RPS6KA2: variants seen among roughly 807,000 people sequenced by gnomAD.
RPS6KA2 encodes ribosomal protein S6 kinase alpha-2.
RPS6KA2 carries 42 observed loss-of-function variants against 91.8 expected under a neutral mutation model. The ratio of observed to expected loss-of-function variants is 0.46; its 90% CI spans 0.36 to 0.59. RPS6KA2 has a LOEUF of 0.59. Among genes scored for constraint, RPS6KA2 ranks in the 20% least tolerant of loss-of-function variants. RPS6KA2 has a pLI of 0.00. For synonymous variants in RPS6KA2, 414 were observed against 393.6 expected, an observed-to-expected ratio of 1.05 and a Z score of -0.61; for missense variants, 798 against 978.5, an observed-to-expected ratio of 0.82 and a Z score of 2.46.
rs911326662 is a variant in RPS6KA2 at position 166,677,486 on chromosome 6, G to A, written c.124-138702C>T. ...AGCAACCCTCTTGCCTCAGCCTTCCGAGTAGCTGGGACTACAGGCATGCAC... is the reference window on the plus strand; with the variant it reads ...AGCAACCCTCTTGCCTCAGCCTTCCAAGTAGCTGGGACTACAGGCATGCAC... On this transcript the variant is annotated intron_variant, in intron 2 of 21. Transcript: ENST00000503859. Among the ~76,000 whole-genome samples the A allele has an allele frequency of 9.9e-5, 15 of 151,496 alleles. 1 individual carries two copies. The highest frequency in any genetic ancestry group is 9.7e-5 in the African/African-American group (4 of 41,260).
rs1363392621 is a variant in RPS6KA2 at position 166,622,742 on chromosome 6, G to A, written c.99+4179C>T. ...TAAAATGTCTTTATATGTACAGATA[G>A]ATGAATTCTGATGATCTGTGACCAC... On this transcript the variant is annotated intron_variant, in intron 1 of 20. Transcript: ENST00000265678. 3.3e-5 allele frequency among the ~76,000 whole-genome samples: 5 copies of A among 152,188 alleles called. No individual in the cohort carries two copies. In the East Asian group the frequency reaches 9.6e-4, roughly 29 times the overall value.
intron 2 of RPS6KA2, among the ~76,000 whole-genome samples, chr6:166,736,059 C>T (rs1562408360): frequency 6.6e-6 from 1 of 152,224 alleles, no homozygotes; most frequent in African/African-American, 2.4e-5. Flanking sequence ...CAATGCAGAA[C>T]AGCTGATTTT....
At chr6:166,517,861 C>T (rs1169412225) in intron 3 of RPS6KA2, among the ~76,000 whole-genome samples, 1 of 152,180 alleles carries the variant, frequency 6.6e-6, no homozygotes, top group Non-Finnish European at 1.5e-5. Flanking sequence ...CTAGCCAGTG[C>T]CATCCTTTTA....
Position 166,504,593 on chromosome 6 carries a change from T to G in RPS6KA2, c.479A>C (p.Asp160Ala). 1 of 1,612,822 alleles carries G rather than the reference T, an allele frequency of 6.2e-7. No individual in the cohort carries two copies. Among genetic ancestry groups the G allele is most frequent in the Non-Finnish European group, 8.5e-7 (1 of 1,179,246 alleles). ...LSKEVMFTEE[D>A]VKFYLAELAL... is the part of the protein sequence containing the mutation. ...CAGCTCAGCCAGGTAGAACTTGACA[T>G]CCTCCTCCGTGAACATGACCTAGTA... The change falls in exon 6 of 21, where the codon GAT becomes GCT. Residue 160 changes from aspartate (D) to alanine (A), a missense_variant. By Grantham distance (126) the Asp-to-Ala change is moderately radical. Transcript: ENST00000265678.
rs1278994278 is a variant in RPS6KA2 at position 166,603,372 on chromosome 6, T to C, written c.99+23549A>G. Among the ~76,000 whole-genome samples, 1 of 151,974 alleles carries C rather than the reference T, an allele frequency of 6.6e-6. No homozygotes were observed. The highest frequency in any genetic ancestry group is 1.5e-5 in the Non-Finnish European group (1 of 67,996). On this transcript the variant is annotated intron_variant, in intron 1 of 20. Transcript: ENST00000265678. This position sits in a 1 kb window ranked among gnomAD's most constrained non-coding sequence, Gnocchi z 4.3. ...CCAGGAACTCAGCGCAGCCTCAGAGTGCGTGGGGTGGGGCAGAGCTCTGGG... is the reference window on the plus strand; with the variant it reads ...CCAGGAACTCAGCGCAGCCTCAGAGCGCGTGGGGTGGGGCAGAGCTCTGGG...
Position 166,459,391 on chromosome 6 carries a change from G to T in RPS6KA2, c.1075+58C>A. On this transcript the variant is annotated intron_variant, in intron 12 of 20. Coordinates refer to ENST00000265678, the MANE Select transcript of RPS6KA2 (RefSeq NM_021135.6). The surrounding 1 kb of genome is among the most constrained non-coding windows in gnomAD (Gnocchi z 4.9). ...GGGAATTTCTTGTTCCTAGATATCTGTCTCTAAGGGGTCAGGTGGGAGAAG... is the reference window on the plus strand; with the variant it reads ...GGGAATTTCTTGTTCCTAGATATCTTTCTCTAAGGGGTCAGGTGGGAGAAG... 9.9e-7 allele frequency: 1 copy of T among 1,014,006 alleles called. No individual in the cohort carries two copies. Among genetic ancestry groups the T allele is most frequent in the Non-Finnish European group, 1.5e-6 (1 of 648,596 alleles). The allele number at this position is 1,014,006 out of a possible 1,614,324, so 62.8% of individuals were successfully genotyped here. A position where few individuals can be genotyped will look rare whatever the true frequency, so the allele number is the denominator to read the frequency against.
At position 166,459,304 on chromosome 6, in the gene RPS6KA2, A is replaced by C; in HGVS notation, c.1075+145T>G. On this transcript the variant is annotated intron_variant, in intron 12 of 20. Transcript: ENST00000265678. The surrounding 1 kb of genome is among the most constrained non-coding windows in gnomAD (Gnocchi z 4.9). ...AAACCTTTATCACTGAGCAGAGAAA[A>C]CAACAACAAAAAACCCAAACAGAAT... is the stretch of plus-strand genomic sequence containing the variant. 1 of 601,898 alleles carries C rather than the reference A, an allele frequency of 1.7e-6. No individual in the cohort carries two copies. Among genetic ancestry groups the C allele is most frequent in the East Asian group, 2.8e-5 (1 of 35,420 alleles). The allele number at this position is 601,898 out of a possible 1,614,324, so 37.3% of individuals were successfully genotyped here. A position where few individuals can be genotyped will look rare whatever the true frequency, so the allele number is the denominator to read the frequency against.
upstream of RPS6KA2, among the ~76,000 whole-genome samples, chr6:166,630,219 G>A (rs866732489): frequency 3.9e-5 from 6 of 152,320 alleles, no homozygotes; most frequent in Middle Eastern, 0.01. Flanking sequence ...CACCTTGTGG[G>A]TAAGGCTGGT....
chr6:166,695,237 T>C (rs1218562222), intron 2 of RPS6KA2, among the ~76,000 whole-genome samples: 2 of 152,098 alleles, frequency 1.3e-5, no homozygotes, highest in Non-Finnish European at 2.9e-5. Context: ...ACTCAAAAGG[T>C]GGGTCCAGAT....
At chr6:166,808,155 G>A (rs773313579) in intron 2 of RPS6KA2, among the ~76,000 whole-genome samples, 1 of 152,192 alleles carries the variant, frequency 6.6e-6, no homozygotes, top group Non-Finnish European at 1.5e-5. Flanking sequence ...CCCTGGACCG[G>A]GCTGGGACAG....
In RPS6KA2 at chr6:166,410,987, GT is replaced by G. The variant is rs1562473278; in HGVS notation, c.*1774del. 1 of 152,086 alleles carries G rather than the reference GT, an allele frequency of 6.6e-6. No individual in the cohort carries two copies. Among genetic ancestry groups the G allele is most frequent in the African/African-American group, 2.4e-5 (1 of 41,414 alleles). The allele number at this position is 152,086 out of a possible 1,614,324, so 9.4% of individuals were successfully genotyped here. A position where few individuals can be genotyped will look rare whatever the true frequency, so the allele number is the denominator to read the frequency against. ...AAGCAAATTCATCATGGTGGAAGTC[GT>G]TCTAGCCTTGGGAAAAAGCATCTTC... On this transcript the variant is annotated 3_prime_UTR_variant, in exon 21 of 21. Transcript: ENST00000265678.
At chr6:166,616,491 T>C (rs559532532) in intron 1 of RPS6KA2, among the ~76,000 whole-genome samples, 2 of 152,316 alleles carry the variant, frequency 1.3e-5, no homozygotes, top group South Asian at 2.1e-4. Context: ...CGTGTTCACA[T>C]ACATGACGGT....
At chr6:166,584,023 A>C (rs1217485865) in intron 1 of RPS6KA2, among the ~76,000 whole-genome samples, 1 of 152,248 alleles carries the variant, frequency 6.6e-6, no homozygotes, top group African/African-American at 2.4e-5. Flanking sequence ...GTGCAACGAA[A>C]CAAGGTTAAT....
At chr6:166,838,932 C>T (rs1780387456) in intron 2 of RPS6KA2, among the ~76,000 whole-genome samples, 1 of 152,100 alleles carries the variant, frequency 6.6e-6, no homozygotes, top group South Asian at 2.1e-4. Flanking sequence ...GAGATGTGGC[C>T]ATGGAGGTCG....
At chr6:166,502,419 A>C (rs1318087732) in intron 6 of RPS6KA2, among the ~76,000 whole-genome samples, 2 of 152,246 alleles carry the variant, frequency 1.3e-5, no homozygotes, top group African/African-American at 4.8e-5. Flanking sequence ...TAATAATTCT[A>C]GTTGAACAAC....
rs1049138414 is a variant in RPS6KA2 at position 166,434,277 on chromosome 6, C to T, written c.1333-1787G>A. ...ATGATCTGTGAGTCCTAATAGCCTG[C>T]GTTGTAAACAGGCAGAAGAGTTAGG... On this transcript the variant is annotated intron_variant, in intron 14 of 20. Transcript: ENST00000265678. This position sits in a 1 kb window ranked among gnomAD's most constrained non-coding sequence, Gnocchi z 4.4. Among the ~76,000 whole-genome samples, 8 of 152,326 alleles carry T rather than the reference C, an allele frequency of 5.3e-5. No homozygotes were observed. Among genetic ancestry groups the T allele is most frequent in the East Asian group, 3.9e-4 (2 of 5,194 alleles).
At chr6:166,656,016 C>T (rs1234721858) in intron 2 of RPS6KA2, among the ~76,000 whole-genome samples, 1 of 152,210 alleles carries the variant, frequency 6.6e-6, no homozygotes, top group African/African-American at 2.4e-5. Flanking sequence ...TGGCAGAACA[C>T]TACACAACAG....
At chr6:166,487,836 C>T (rs1781461018) in intron 10 of RPS6KA2, among the ~76,000 whole-genome samples, 1 of 152,210 alleles carries the variant, frequency 6.6e-6, no homozygotes, top group Non-Finnish European at 1.5e-5. Flanking sequence ...AATTATCTCA[C>T]ATTGTGAAAT....
chr6:166,571,361 C>T (rs1329898303), intron 1 of RPS6KA2, among the ~76,000 whole-genome samples: 1 of 152,220 alleles, frequency 6.6e-6, no homozygotes, highest in Non-Finnish European at 1.5e-5. Context: ...GCTTCCCGAA[C>T]AGCAAAGAAC....
Sources: allele counts gnomAD v4.1 joint callset (sites outside exome capture counted in the v4.1 genomes callset), GRCh38; gene constraint gnomAD v4.1.1; non-coding constraint Gnocchi (gnomAD v3.1); transcripts MANE v1.5; gene names NCBI Gene and HGNC (gene_info 2026-07-23, HGNC 2026-07-21).